CBFA2T3: variants seen among roughly 807,000 people sequenced by gnomAD.
CBFA2T3 encodes the protein transcriptional corepressor CBFA2T3.
Under a neutral mutation model 58.6 loss-of-function variants are expected in CBFA2T3, and 31 were observed. The observed-to-expected ratio is 0.53, with a 90% CI of 0.40 to 0.71. The LOEUF is 0.71. Ranked by LOEUF, CBFA2T3 falls within the 30% of genes least tolerant of loss-of-function variation. The pLI is 0.00. For synonymous variants in CBFA2T3, 531 were observed against 421.9 expected, an observed-to-expected ratio of 1.26 and a Z score of -3.17; for missense variants, 1,076 against 963.1, an observed-to-expected ratio of 1.12 and a Z score of -1.55.
chr16:88,972,467 C>T (rs1470805904), intron 1 of CBFA2T3, among the ~76,000 whole-genome samples: 1 of 151,648 alleles, frequency 6.6e-6, no homozygotes, highest in East Asian at 1.9e-4. Context: ...CACTCTGCCG[C>T]CTCTGTCTGA....
At chr16:88,974,312 C>G (rs1972735236) in intron 1 of CBFA2T3, among the ~76,000 whole-genome samples, 1 of 152,190 alleles carries the variant, frequency 6.6e-6, no homozygotes, top group Non-Finnish European at 1.5e-5. Flanking sequence ...TTCAGGGGTT[C>G]CTTCTGCACC....
intron 2 of CBFA2T3, 38 bp from the exon 3 acceptor site, chr16:88,898,190 G>A (rs1355596949): frequency 4.0e-6 from 6 of 1,516,668 alleles, no homozygotes; most frequent in Non-Finnish European, 5.5e-6. Flanking sequence ...GTCAGGAGGG[G>A]CGTGGGCAGG....
chr16:88,896,454 G>A (rs937287182), intron 3 of CBFA2T3, among the ~76,000 whole-genome samples: 16 of 152,168 alleles, frequency 1.1e-4, no homozygotes, highest in African/African-American at 3.6e-4. Flanking sequence ...CCTCTTCTGG[G>A]GGGACAGTGG....
At chr16:88,924,873 C>T (rs933560617) in intron 1 of CBFA2T3, among the ~76,000 whole-genome samples, 2 of 152,228 alleles carry the variant, frequency 1.3e-5, no homozygotes, top group African/African-American at 4.8e-5. Context: ...CCGCTGCCAC[C>T]GCCTCCCACC....
Position 88,885,922 on chromosome 16 carries a change from A to T in CBFA2T3, c.893+39T>A. The T allele has an allele frequency of 6.6e-7, 1 of 1,523,274 alleles. No homozygotes were observed. Among genetic ancestry groups the T allele is most frequent in the East Asian group, 2.5e-5 (1 of 40,738 alleles). The allele number at this position is 1,523,274 out of a possible 1,614,324, so 94.4% of individuals were successfully genotyped here. A position where few individuals can be genotyped will look rare whatever the true frequency, so the allele number is the denominator to read the frequency against. On this transcript the variant is annotated intron_variant, in intron 6 of 11. Transcript: ENST00000268679. The surrounding 1 kb of genome is among the most constrained non-coding windows in gnomAD (Gnocchi z 5.3). ...GGGGAGCAGGGTGAGCCGCGTGTCC[A>T]CGGCACCCCCAGCCCAGATCCCCGG...
chr16:88,904,278 C>T (rs942640598), intron 1 of CBFA2T3, among the ~76,000 whole-genome samples: 3 of 152,174 alleles, frequency 2.0e-5, no homozygotes, highest in Admixed American at 6.5e-5. Flanking sequence ...CAGGAAGATC[C>T]TTCTCGGTGC....
At chr16:88,890,230 G>A (rs1213875824) in intron 5 of CBFA2T3, among the ~76,000 whole-genome samples, 1 of 152,180 alleles carries the variant, frequency 6.6e-6, no homozygotes, top group East Asian at 1.9e-4. Context: ...CTTTCCGCGT[G>A]TCCCTCCACG....
At position 88,877,993 on chromosome 16, in the gene CBFA2T3, G is replaced by A. The variant is rs1427358367; in HGVS notation, c.1663-718C>T. On this transcript the variant is annotated intron_variant, in intron 11 of 11. Coordinates refer to ENST00000268679, the MANE Select transcript of CBFA2T3 (RefSeq NM_005187.6). Reference sequence around the variant, plus strand: ...CTGGTACCACCTCCCACCCCACCTCGCCCTCACTGCCACTGCAGCAGCAGC... The same window carrying A: ...CTGGTACCACCTCCCACCCCACCTCACCCTCACTGCCACTGCAGCAGCAGC... Among the ~76,000 whole-genome samples, 7 of 152,200 alleles carry A rather than the reference G, an allele frequency of 4.6e-5. No individual in the cohort carries two copies. The East Asian group carries it at 7.7e-4, about 17-fold the overall frequency.
In CBFA2T3 at chr16:88,918,109, G is replaced by A. The variant is rs368942754; in HGVS notation, c.152-16453C>T. Among the ~76,000 whole-genome samples, 8 of 152,294 alleles carry A rather than the reference G, an allele frequency of 5.3e-5. No individual in the cohort carries two copies. The South Asian group carries it at 1.4e-3, about 28-fold the overall frequency. Reference sequence around the variant, plus strand: ...GTGCAGGAAGTGGCCCCCATGGAGAGACAGCGTGGCCTCCCTGGTGCTGAC... The same window carrying A: ...GTGCAGGAAGTGGCCCCCATGGAGAAACAGCGTGGCCTCCCTGGTGCTGAC... On this transcript the variant is annotated intron_variant, in intron 1 of 11. Transcript: ENST00000268679.
At chr16:88,893,831 C>T (rs1470310753) in intron 3 of CBFA2T3, among the ~76,000 whole-genome samples, 1 of 152,188 alleles carries the variant, frequency 6.6e-6, no homozygotes, top group African/African-American at 2.4e-5. Context: ...GGCCAGCGCA[C>T]CCCTCCTGCG....
chr16:88,911,581 A>C (rs1464197825), intron 1 of CBFA2T3, among the ~76,000 whole-genome samples: 1 of 152,218 alleles, frequency 6.6e-6, no homozygotes, highest in Non-Finnish European at 1.5e-5. Flanking sequence ...TCCGTCTCCT[A>C]ATCTGGCCTC....
In CBFA2T3 at chr16:88,934,518, C is replaced by T. The variant is rs55954830; in HGVS notation, c.152-32862G>A. Among the ~76,000 whole-genome samples, 794 of 152,362 alleles carry T rather than the reference C, an allele frequency of 5.2e-3. 6 individuals carry two copies. Among genetic ancestry groups the T allele is most frequent in the Non-Finnish European group, 7.6e-3 (518 of 68,032 alleles). ...CGGCACGGCCGGCACCATCGGGGGG[C>T]GACAGGCGAGGCTCCATCTTCCCTG... On this transcript the variant is annotated intron_variant, in intron 1 of 11. Coordinates refer to ENST00000268679, the MANE Select transcript of CBFA2T3 (RefSeq NM_005187.6).
chr16:88,971,517 C>T (rs1417695225), intron 1 of CBFA2T3, among the ~76,000 whole-genome samples: 1 of 152,226 alleles, frequency 6.6e-6, no homozygotes, highest in Non-Finnish European at 1.5e-5. Flanking sequence ...CGGTGGGGTC[C>T]CCGCTGTGGA....
At chr16:88,947,723 G>A (rs960264682) in intron 1 of CBFA2T3, among the ~76,000 whole-genome samples, 4 of 152,132 alleles carry the variant, frequency 2.6e-5, no homozygotes, top group Non-Finnish European at 5.9e-5. Flanking sequence ...AGACCAGCCT[G>A]GGCAACATAG....
In CBFA2T3 at chr16:88,952,858, C is replaced by T. The variant is rs372479274; in HGVS notation, c.151+23799G>A. Among the ~76,000 whole-genome samples, 627 of 151,260 alleles carry T rather than the reference C, an allele frequency of 4.1e-3. 3 individuals carry two copies. Among genetic ancestry groups the T allele is most frequent in the Non-Finnish European group, 6.7e-3 (452 of 67,700 alleles). On this transcript the variant is annotated intron_variant, in intron 1 of 11. Transcript: ENST00000268679. ...TGGAGCCACAGCTCAAGGCTTCCTT[C>T]CCCCCCACCCCCACACCCTGGGGAC...
intron 1 of CBFA2T3, among the ~76,000 whole-genome samples, chr16:88,905,925 G>A (rs575842676): frequency 6.7e-6 from 1 of 149,986 alleles, no homozygotes; most frequent in Admixed American, 6.6e-5. Flanking sequence ...CGCTGGCTGG[G>A]CAGGGAGGCA....
intron 1 of CBFA2T3, among the ~76,000 whole-genome samples, chr16:88,915,362 C>A: frequency 1.0e-5 from 1 of 97,760 alleles, no homozygotes; most frequent in Non-Finnish European, 2.0e-5. Flanking sequence ...AGAGGAGGGA[C>A]AGCTCCTTCA....
rs902925603 is a variant in CBFA2T3 at position 88,958,504 on chromosome 16, G to T, written c.151+18153C>A. Among the ~76,000 whole-genome samples, 4 of 152,206 alleles carry T rather than the reference G, an allele frequency of 2.6e-5. No homozygotes were observed. Among genetic ancestry groups the T allele is most frequent in the African/African-American group, 9.7e-5 (4 of 41,450 alleles). On this transcript the variant is annotated intron_variant, in intron 1 of 11. Coordinates refer to ENST00000268679, the MANE Select transcript of CBFA2T3 (RefSeq NM_005187.6). This position sits in a 1 kb window ranked among gnomAD's most constrained non-coding sequence, Gnocchi z 4.0. Reference sequence around the variant, plus strand: ...GACACCAGGTCCCGGTGCAGCGCTCGTGAGTGCCCCACATCCCTGGGCATC... The same window carrying T: ...GACACCAGGTCCCGGTGCAGCGCTCTTGAGTGCCCCACATCCCTGGGCATC...
chr16:88,936,574 G>A (rs1015011251), intron 1 of CBFA2T3, among the ~76,000 whole-genome samples: 18 of 152,186 alleles, frequency 1.2e-4, no homozygotes, highest in East Asian at 5.8e-4. Context: ...CAGACCCGAC[G>A]GGGCAGAACC....
Sources: gnomAD v4.1 joint callset for allele counts (sites outside exome capture counted in the v4.1 genomes callset) on GRCh38, gnomAD v4.1.1 for gene constraint, Gnocchi (gnomAD v3.1) non-coding constraint, MANE v1.5 for transcripts, NCBI Gene and HGNC (gene_info 2026-07-23, HGNC 2026-07-21) for gene names.